Variants in ROR2 observed in about 807,000 individuals in gnomAD.
ROR2 encodes ROR family WNT receptor 2.
In ROR2, 33 loss-of-function variants were observed where a neutral mutation model predicts 74.9. The ratio of observed to expected loss-of-function variants is 0.44; its 90% confidence interval spans 0.33 to 0.59. ROR2 has a LOEUF of 0.59. ROR2 is among the 20% of genes least tolerant of loss of function. The probability of loss-of-function intolerance (pLI) is 0.02; values close to 1 mark genes in which losing one functional copy is unlikely to be tolerated. For missense variants in ROR2, 1,216 were observed against 1,313.8 expected, an observed-to-expected ratio of 0.93 and a Z score of 1.15; for synonymous variants, 586 against 558.7, an observed-to-expected ratio of 1.05 and a Z score of -0.69.
At chr9:91,839,275 T>TTTAAGTACAGGC (rs1554681706) in intron 1 of ROR2, among the ~76,000 whole-genome samples, 1 of 145,874 alleles carries the variant, frequency 6.9e-6, no homozygotes, top group African/African-American at 2.6e-5. Flanking sequence ...TGTGTGTGTG[T>TTTAAGTACAGGC]GTGTGTGTGT....
intron 1 of ROR2, among the ~76,000 whole-genome samples, chr9:91,839,594 T>C (rs1828723863): frequency 6.6e-6 from 1 of 151,564 alleles, no homozygotes; most frequent in Non-Finnish European, 1.5e-5. Context: ...GTGTGTTTCT[T>C]TGAGTTTGTC....
chr9:91,781,257 C>T (rs1450324004), intron 1 of ROR2, among the ~76,000 whole-genome samples: 3 of 152,188 alleles, frequency 2.0e-5, no homozygotes, highest in Non-Finnish European at 4.4e-5. Flanking sequence ...GACGGTGCTG[C>T]AAACCAGACA....
chr9:91,726,468 A>G (rs2118641561), intron 8 of ROR2, 73 bp downstream of exon 8: 2 of 1,339,614 alleles, frequency 1.5e-6, no homozygotes, highest in East Asian at 4.6e-5. Flanking sequence ...AAGACATTTA[A>G]TGTTGGGGGA....
At chr9:91,828,188 A>C (rs1012611146) in intron 1 of ROR2, among the ~76,000 whole-genome samples, 1 of 152,202 alleles carries the variant, frequency 6.6e-6, no homozygotes, top group African/African-American at 2.4e-5. Context: ...ATTCTTACAT[A>C]CTTTCTTATT....
rs181365113 is a variant in ROR2 at position 91,901,445 on chromosome 9, T to C, written c.97+48422A>G. Among the ~76,000 whole-genome samples, 73 of 152,298 alleles carry C rather than the reference T, an allele frequency of 4.8e-4. 2 individuals carry two copies. The East Asian group carries it at 0.01, about 22-fold the overall frequency. On this transcript the variant is annotated intron_variant, in intron 1 of 8. Coordinates refer to ENST00000375708, the MANE Select transcript of ROR2 (RefSeq NM_004560.4). Reference sequence around the variant, plus strand: ...CCACTTAGAACTAAGATCTTTGTTTTCCAACAGGAGAAAAGGCTCACGTCA... The same window carrying C: ...CCACTTAGAACTAAGATCTTTGTTTCCCAACAGGAGAAAAGGCTCACGTCA...
intron 5 of ROR2, 73 bp downstream of exon 5, chr9:91,737,318 A>G: frequency 6.3e-7 from 1 of 1,596,024 alleles, no homozygotes; most frequent in South Asian, 1.1e-5. Context: ...GATGAAACAC[A>G]GTGGCCACCA....
At position 91,733,435 on chromosome 9, in the gene ROR2, C is replaced by T. The variant is rs538917359; in HGVS notation, c.624G>A (p.Ala208=). ...TAGACGTGCCGATCATGGTGAAGGC[C>T]GCTGCAGAGCCCGCGAGACTCGCGT... The part of the protein sequence containing the change: ...MQGEIENRIT[A]AFTMIGTSTH... Residue 208 remains alanine (A), a splice_region_variant and synonymous_variant, in exon 6 of 9, where the codon GCG becomes GCA. Transcript: ENST00000375708. This position sits in a 1 kb window ranked among gnomAD's most constrained non-coding sequence, Gnocchi z 5.7. 47 of 1,610,068 alleles carry T rather than the reference C, an allele frequency of 2.9e-5. No individual in the cohort carries two copies. The South Asian group carries it at 3.8e-4, about 13-fold the overall frequency.
At chr9:91,796,150 G>C (rs1316855120) in intron 1 of ROR2, among the ~76,000 whole-genome samples, 1 of 152,140 alleles carries the variant, frequency 6.6e-6, no homozygotes, top group Non-Finnish European at 1.5e-5. Flanking sequence ...TGCTTCTAAA[G>C]AACACTTTTG....
intron 1 of ROR2, among the ~76,000 whole-genome samples, chr9:91,868,409 G>A (rs1587803033): frequency 6.6e-6 from 1 of 152,066 alleles, no homozygotes; most frequent in Non-Finnish European, 1.5e-5. Flanking sequence ...AAAAAAGAGT[G>A]ACGAAGTGAC....
chr9:91,870,099 C>T (rs1302344409), intron 1 of ROR2, among the ~76,000 whole-genome samples: 4 of 150,294 alleles, frequency 2.7e-5, no homozygotes, highest in African/African-American at 9.7e-5. Context: ...TTTAATAAGA[C>T]ATATTGTTTA....
At chr9:91,900,453 G>C (rs571002078) in intron 1 of ROR2, among the ~76,000 whole-genome samples, 1 of 152,370 alleles carries the variant, frequency 6.6e-6, no homozygotes, top group Non-Finnish European at 1.5e-5. Flanking sequence ...CGGCTGCCTG[G>C]AGCAAGAGAG....
rs57891940 is a variant in ROR2, at chr9:91,746,857, G to GGTGT, written c.494+9210_494+9213dup. On this transcript the variant is annotated intron_variant, in intron 4 of 8. Transcript: ENST00000375708. Reference sequence around the variant, plus strand: ...AAGAATAACACACTTTCCTTGAGCAGGTGTGTGTGTGTGTGTGTGTGTGTG... The same window carrying GGTGT: ...AAGAATAACACACTTTCCTTGAGCAGGTGTGTGTGTGTGTGTGTGTGTGTGTGTG... Among the ~76,000 whole-genome samples, 847 of 150,022 alleles carry GGTGT rather than the reference G, an allele frequency of 5.6e-3. 4 individuals carry two copies. Among genetic ancestry groups the GGTGT allele is most frequent in the African/African-American group, 0.016 (638 of 40,876 alleles).
intron 1 of ROR2, among the ~76,000 whole-genome samples, chr9:91,827,735 T>C (rs2119172561): frequency 6.6e-6 from 1 of 152,322 alleles, no homozygotes; most frequent in Middle Eastern, 3.4e-3. Context: ...AGAATATAAT[T>C]TTGTTCAATT....
intron 2 of ROR2, among the ~76,000 whole-genome samples, chr9:91,772,753 T>C (rs1826276845): frequency 6.6e-6 from 1 of 152,158 alleles, no homozygotes; most frequent in Non-Finnish European, 1.5e-5. Context: ...CACACATGGT[T>C]TTTAAACCAT....
intron 1 of ROR2, among the ~76,000 whole-genome samples, chr9:91,920,635 T>A (rs74404496): frequency 0.018 from 2,685 of 152,308 alleles, 89 homozygotes; most frequent in African/African-American, 0.061. Context: ...CCTAAACACC[T>A]GGTCTGTCTC....
chr9:91,940,318 C>T (rs537411282), intron 1 of ROR2, among the ~76,000 whole-genome samples: 58 of 152,166 alleles, frequency 3.8e-4, no homozygotes, highest in African/African-American at 1.3e-3. Flanking sequence ...TTAAGTAGGC[C>T]GGGGGAAATG....
chr9:91,949,279 C>G (rs192704128), intron 1 of ROR2, among the ~76,000 whole-genome samples: 3,203 of 151,822 alleles, frequency 0.021, 112 homozygotes, highest in African/African-American at 0.074. Context: ...CCAAAGAGCC[C>G]GTTTCCATCA....
At chr9:91,821,759 C>G (rs533783351) in intron 1 of ROR2, among the ~76,000 whole-genome samples, 2 of 152,342 alleles carry the variant, frequency 1.3e-5, no homozygotes, top group East Asian at 3.9e-4. Flanking sequence ...CCTCACGTCT[C>G]TGCCTTAGAC....
intron 7 of ROR2, among the ~76,000 whole-genome samples, chr9:91,727,304 T>C (rs1450107952): frequency 2.0e-5 from 3 of 152,168 alleles, no homozygotes; most frequent in Non-Finnish European, 4.4e-5. Context: ...GCACCAGTAG[T>C]CCATGCTCTT....
Sources: gnomAD v4.1 joint callset for allele counts (sites outside exome capture counted in the v4.1 genomes callset) on GRCh38, gnomAD v4.1.1 for gene constraint, Gnocchi (gnomAD v3.1) non-coding constraint, MANE v1.5 for transcripts, NCBI Gene and HGNC (gene_info 2026-07-23, HGNC 2026-07-21) for gene names.